Variants in RAP1GDS1 observed in about 807,000 individuals in gnomAD.
RAP1GDS1 encodes the protein RAP1, GTP-GDP dissociation stimulator 1.
A neutral mutation model predicts 71.1 loss-of-function variants in RAP1GDS1; 35 were observed. That is an observed-to-expected ratio of 0.49 (90% CI 0.38 to 0.65). The LOEUF (loss-of-function observed/expected upper bound fraction) is 0.65. Among genes scored for constraint, RAP1GDS1 ranks in the 30% least tolerant of loss-of-function variants. The probability of loss-of-function intolerance (pLI) is 0.00; values close to 1 mark genes in which losing one functional copy is unlikely to be tolerated. For missense variants in RAP1GDS1, 663 were observed against 706.1 expected (o/e 0.94, Z 0.69); for synonymous variants, 229 against 243.1 (o/e 0.94, Z 0.54).
chr4:98,353,356 A>G (rs945580398), intron 4 of RAP1GDS1, among the ~76,000 whole-genome samples: 1 of 152,164 alleles, frequency 6.6e-6, no homozygotes, highest in African/African-American at 2.4e-5. Context: ...TTTTATTTCT[A>G]TAACTAGGAT....
intron 2 of RAP1GDS1, among the ~76,000 whole-genome samples, chr4:98,305,326 T>G (rs1729165096): frequency 6.6e-6 from 1 of 152,212 alleles, no homozygotes; most frequent in Non-Finnish European, 1.5e-5. Context: ...TTCCATTTGT[T>G]TATGTCTTCT....
At chr4:98,320,541 G>A (rs1275717810) in intron 2 of RAP1GDS1, among the ~76,000 whole-genome samples, 1 of 152,150 alleles carries the variant, frequency 6.6e-6, no homozygotes, top group Non-Finnish European at 1.5e-5. Flanking sequence ...TTTGAAGAGA[G>A]CAGTGGTTCT....
intron 2 of RAP1GDS1, among the ~76,000 whole-genome samples, chr4:98,342,772 G>C (rs1031919364): frequency 3.3e-5 from 5 of 152,066 alleles, no homozygotes; most frequent in African/African-American, 1.2e-4. Context: ...TTTATATAAA[G>C]TGATAGCTCT....
intron 5 of RAP1GDS1, among the ~76,000 whole-genome samples, chr4:98,379,796 A>G (rs988977624): frequency 2.0e-5 from 3 of 151,872 alleles, no homozygotes; most frequent in African/African-American, 7.3e-5. Flanking sequence ...TTGTGTCACA[A>G]AATATCCATT....
chr4:98,406,758 A>T (rs1427877639), intron 7 of RAP1GDS1, among the ~76,000 whole-genome samples: 1 of 152,106 alleles, frequency 6.6e-6, no homozygotes, highest in Non-Finnish European at 1.5e-5. Flanking sequence ...AAAGAAAGAA[A>T]TTTCAAAAGA....
rs70955932 is a variant in RAP1GDS1, at chr4:98,416,334, G to GTTTT, written c.764-384_764-381dup. Among the ~76,000 whole-genome samples, 238 of 51,588 alleles carry GTTTT rather than the reference G, an allele frequency of 4.6e-3. 51 individuals are homozygous for GTTTT. Among genetic ancestry groups the GTTTT allele is most frequent in the African/African-American group, 0.012 (140 of 11,496 alleles). 33.8% of individuals were successfully genotyped at this position (51,588 alleles called of 152,430 possible). A position where few individuals can be genotyped will look rare whatever the true frequency, so the allele number is the denominator to read the frequency against. On this transcript the variant is annotated intron_variant, in intron 7 of 14. Coordinates refer to ENST00000408927, the MANE Select transcript of RAP1GDS1 (RefSeq NM_001100427.2). ...ATTATCTAAATCATGCATTTTCTTAGTTTTTTTTTTTTTTTTTTTTTTTTT... is the reference window on the plus strand; with the variant it reads ...ATTATCTAAATCATGCATTTTCTTAGTTTTTTTTTTTTTTTTTTTTTTTTTTTTT...
chr4:98,281,126 G>GT (rs1478232836), intron 1 of RAP1GDS1, among the ~76,000 whole-genome samples: 1 of 152,000 alleles, frequency 6.6e-6, no homozygotes. Context: ...CTTGAAAGTA[G>GT]TTTTTTCCAA....
At chr4:98,346,170 C>T (rs1420542863) in intron 3 of RAP1GDS1, among the ~76,000 whole-genome samples, 1 of 152,150 alleles carries the variant, frequency 6.6e-6, no homozygotes, top group Non-Finnish European at 1.5e-5. Flanking sequence ...TAAAGCAGTA[C>T]AGAATCAGTA....
At chr4:98,375,207 T>C (rs1740992174) in intron 4 of RAP1GDS1, among the ~76,000 whole-genome samples, 1 of 152,122 alleles carries the variant, frequency 6.6e-6, no homozygotes, top group African/African-American at 2.4e-5. Context: ...GTCCCAGGTG[T>C]TCTTTGGCTT....
intron 8 of RAP1GDS1, 110 bp from the exon 9 acceptor site, chr4:98,417,257 G>A: frequency 9.5e-7 from 1 of 1,055,628 alleles, no homozygotes; most frequent in Non-Finnish European, 1.4e-6. Flanking sequence ...CATTATGAAT[G>A]TAACAGTTTG....
intron 12 of RAP1GDS1, among the ~76,000 whole-genome samples, chr4:98,421,892 T>A (rs988926505): frequency 1.3e-5 from 2 of 152,152 alleles, no homozygotes; most frequent in African/African-American, 4.8e-5. Flanking sequence ...ATATGATTTT[T>A]AAATTTTTTA....
At chr4:98,285,212 A>C (rs574227155) in intron 1 of RAP1GDS1, among the ~76,000 whole-genome samples, 1 of 152,360 alleles carries the variant, frequency 6.6e-6, no homozygotes, top group South Asian at 2.1e-4. Context: ...TGCTGAATAA[A>C]TGTTAACTGA....
At chr4:98,285,907 ATTAT>A (rs923096488) in intron 1 of RAP1GDS1, among the ~76,000 whole-genome samples, 21 of 147,100 alleles carry the variant, frequency 1.4e-4, no homozygotes, top group Non-Finnish European at 2.2e-4. Flanking sequence ...AACATTATAA[ATTAT>A]TTATAATATT....
intron 1 of RAP1GDS1, among the ~76,000 whole-genome samples, chr4:98,288,809 C>T (rs1394054114): frequency 6.6e-6 from 1 of 152,080 alleles, no homozygotes; most frequent in Non-Finnish European, 1.5e-5. Context: ...TTTCATGTGT[C>T]TGTTGGCTGC....
At chr4:98,265,474 A>G (rs1722601796) in intron 1 of RAP1GDS1, among the ~76,000 whole-genome samples, 1 of 152,182 alleles carries the variant, frequency 6.6e-6, no homozygotes, top group Non-Finnish European at 1.5e-5. Context: ...TAGTAGCTAC[A>G]TAGAAAAATT....
chr4:98,373,399 C>G (rs536604983), intron 4 of RAP1GDS1, among the ~76,000 whole-genome samples: 297 of 151,864 alleles, frequency 2.0e-3, no homozygotes, highest in African/African-American at 7.1e-3. Flanking sequence ...CTCCCTCTCC[C>G]TCTCTCTCCC....
chr4:98,279,095 G>A (rs1724665464), intron 1 of RAP1GDS1, among the ~76,000 whole-genome samples: 1 of 152,012 alleles, frequency 6.6e-6, no homozygotes. Context: ...ATGGTGGTGG[G>A]CACCTGTAGT....
chr4:98,386,568 A>G (rs1245115323), intron 5 of RAP1GDS1, among the ~76,000 whole-genome samples: 1 of 150,128 alleles, frequency 6.7e-6, no homozygotes, highest in Non-Finnish European at 1.5e-5. Flanking sequence ...ATATTAATGA[A>G]TGTTGGCTTT....
At chr4:98,439,685 C>G (rs546471631) in intron 14 of RAP1GDS1, among the ~76,000 whole-genome samples, 1 of 151,936 alleles carries the variant, frequency 6.6e-6, no homozygotes, top group African/African-American at 2.4e-5. Flanking sequence ...TTCCCTTGTC[C>G]CCTCTATTCT....
Sources: allele counts gnomAD v4.1 joint callset (sites outside exome capture counted in the v4.1 genomes callset), GRCh38; gene constraint gnomAD v4.1.1; transcripts MANE v1.5; gene names NCBI Gene and HGNC (gene_info 2026-07-23, HGNC 2026-07-21).